Variants in RAD51B observed in about 807,000 individuals in gnomAD.
The protein encoded by RAD51B is DNA repair protein RAD51 homolog 2.
A neutral mutation model predicts 42.2 loss-of-function variants in RAD51B; 38 were observed. The observed-to-expected ratio is 0.90, with a 90% CI of 0.70 to 1.18. The LOEUF (loss-of-function observed/expected upper bound fraction) is 1.18, where lower values mean the gene tolerates loss of function less well. Ranked by LOEUF, RAD51B falls within the 50% of genes most tolerant of loss-of-function variation. The pLI, the probability that RAD51B is intolerant of heterozygous loss-of-function variation, is 0.00. For missense variants in RAD51B, 373 were observed against 400.7 expected (o/e 0.93, Z 0.59); for synonymous variants, 154 against 145.2 (o/e 1.06, Z -0.43).
intron 8 of RAD51B, among the ~76,000 whole-genome samples, chr14:68,311,521 A>C (rs1228160054): frequency 6.6e-6 from 1 of 152,182 alleles, no homozygotes; most frequent in Non-Finnish European, 1.5e-5. Flanking sequence ...TCATACTTAA[A>C]ACAGCACTAG....
At chr14:68,072,044 TATATATAATTATATATATTTATATAA>T (rs562307612) in intron 7 of RAD51B, among the ~76,000 whole-genome samples, 3,164 of 120,450 alleles carry the variant, frequency 0.026, 208 homozygotes, top group African/African-American at 0.1. Context: ...ATTTTATATA[TATATATAATTATATATATTTATATAA>T]ATATATAAAT....
intron 7 of RAD51B, among the ~76,000 whole-genome samples, chr14:68,181,279 C>T (rs1381600279): frequency 3.3e-5 from 5 of 152,154 alleles, no homozygotes; most frequent in Non-Finnish European, 7.3e-5. Flanking sequence ...TTGCCATGTT[C>T]CTAAGCTGGT....
At chr14:68,342,046 C>T (rs2082582086) in intron 8 of RAD51B, among the ~76,000 whole-genome samples, 1 of 152,104 alleles carries the variant, frequency 6.6e-6, no homozygotes, top group African/African-American at 2.4e-5. Flanking sequence ...CCCTAGGTTA[C>T]AACTAATTAG....
intron 2 of RAD51B, 105 bp downstream of exon 2, chr14:67,823,732 A>G (rs974013974): frequency 1.2e-6 from 1 of 847,994 alleles, no homozygotes; most frequent in Non-Finnish European, 1.8e-6. Flanking sequence ...TTACAAAAAA[A>G]AGATAAATGA....
At chr14:68,415,995 AT>A (rs2084547146) in intron 9 of RAD51B, among the ~76,000 whole-genome samples, 1 of 152,190 alleles carries the variant, frequency 6.6e-6, no homozygotes, top group Non-Finnish European at 1.5e-5. Context: ...GTTTATTTAA[AT>A]GAACTTTCTA....
At chr14:68,483,717 C>G (rs891058343) in intron 10 of RAD51B, among the ~76,000 whole-genome samples, 1 of 152,196 alleles carries the variant, frequency 6.6e-6, no homozygotes, top group Non-Finnish European at 1.5e-5. Context: ...CCTTATTATT[C>G]TTTCAGTAAT....
intron 8 of RAD51B, among the ~76,000 whole-genome samples, chr14:68,326,346 A>G (rs17105407): frequency 0.036 from 5,430 of 151,910 alleles, 263 homozygotes; most frequent in African/African-American, 0.11. Flanking sequence ...GGCCAATGTT[A>G]TTATTCTTTA....
At position 68,563,701 on chromosome 14, in the gene RAD51B, A is replaced by G; in HGVS notation, c.1037-30784A>G. On this transcript the variant is annotated intron_variant, in intron 10 of 10. Transcript: ENST00000487270. The stretch of plus-strand genomic sequence containing the variant: ...CAAAATTCCCAGATTGCTCAAATTC[A>G]CTGCTCCTTTTCTAAATGGGAACGA... 4.1e-6 allele frequency: 4 copies of G among 985,406 alleles called. No homozygotes were observed. In the African/African-American group the frequency reaches 5.2e-5, roughly 13 times the overall value. The allele number at this position is 985,406 out of a possible 1,614,324, so 61.0% of individuals were successfully genotyped here.
intron 10 of RAD51B, among the ~76,000 whole-genome samples, chr14:68,506,904 A>G (rs1185819765): frequency 2.0e-5 from 3 of 152,210 alleles, no homozygotes; most frequent in African/African-American, 7.2e-5. Flanking sequence ...GAACATTCTC[A>G]GTTAGAAAAA....
intron 7 of RAD51B, among the ~76,000 whole-genome samples, chr14:68,222,460 T>C (rs112095445): frequency 0.019 from 2,946 of 152,276 alleles, 102 homozygotes; most frequent in African/African-American, 0.068. Flanking sequence ...CTCACTCATA[T>C]GTGGGAGCTA....
chr14:68,621,859 C>T (rs1301838622), intron 10 of RAD51B, among the ~76,000 whole-genome samples: 1 of 152,212 alleles, frequency 6.6e-6, no homozygotes, highest in Admixed American at 6.5e-5. Flanking sequence ...TGCACAGTGA[C>T]AATGAGTGTA....
chr14:67,860,359 T>C (rs1192258797), intron 4 of RAD51B, among the ~76,000 whole-genome samples: 1 of 152,198 alleles, frequency 6.6e-6, no homozygotes, highest in Non-Finnish European at 1.5e-5. Flanking sequence ...AGGGAAGATA[T>C]ATTCTTGAAA....
chr14:67,820,435 C>A (rs545639201), intron 1 of RAD51B, among the ~76,000 whole-genome samples: 1 of 152,146 alleles, frequency 6.6e-6, no homozygotes, highest in Admixed American at 6.5e-5. Flanking sequence ...GAACATCTAA[C>A]ATGAAGAATT....
rs1429267559 is a variant in RAD51B at position 68,044,843 on chromosome 14, G to C, written c.756+157639G>C. ...AGAACATTGTCACATTTTACATTTT[G>C]CTTGTTACTGAACTGTAATCTCTGT... On this transcript the variant is annotated intron_variant, in intron 7 of 10. Transcript: ENST00000471583. 1.3e-5 allele frequency among the ~76,000 whole-genome samples: 2 copies of C among 151,512 alleles called. 1 individual carries two copies. The highest frequency in any genetic ancestry group is 2.9e-5 in the Non-Finnish European group (2 of 67,946).
In RAD51B at chr14:68,565,618, G is replaced by A. The variant is rs1389374656; in HGVS notation, c.1037-28867G>A. ...TATAGCCAGATTTCAATACCAGGGA[G>A]AGCAGGCAGAGAAAGAGAGCTAATC... On this transcript the variant is annotated intron_variant, in intron 10 of 10. Coordinates refer to the RAD51B transcript ENST00000487270. The surrounding 1 kb of genome is among the most constrained non-coding windows in gnomAD (Gnocchi z 4.1). 1.3e-5 allele frequency among the ~76,000 whole-genome samples: 2 copies of A among 152,234 alleles called. No homozygotes were observed. Among genetic ancestry groups the A allele is most frequent in the Non-Finnish European group, 2.9e-5 (2 of 68,038 alleles).
chr14:68,613,418 C>CAAAAAAAAA (rs112036417), downstream of RAD51B, among the ~76,000 whole-genome samples: 1 of 138,542 alleles, frequency 7.2e-6, no homozygotes, highest in African/African-American at 2.7e-5. Flanking sequence ...AACTCTGTCT[C>CAAAAAAAAA]AAAAAAAAAA....
chr14:68,287,734 T>C (rs2081439579), intron 7 of RAD51B, among the ~76,000 whole-genome samples: 1 of 152,198 alleles, frequency 6.6e-6, no homozygotes, highest in Non-Finnish European at 1.5e-5. Context: ...ATATGCTGTA[T>C]AAAAGGGAAT....
chr14:68,494,918 G>A (rs956564702), intron 10 of RAD51B, among the ~76,000 whole-genome samples: 5 of 152,112 alleles, frequency 3.3e-5, no homozygotes, highest in African/African-American at 1.2e-4. Flanking sequence ...TGCAACCAGT[G>A]GGTCTTCTCC....
At chr14:68,531,800 A>G (rs1594947947) in intron 10 of RAD51B, among the ~76,000 whole-genome samples, 1 of 152,142 alleles carries the variant, frequency 6.6e-6, no homozygotes, top group African/African-American at 2.4e-5. Context: ...GGAGTTTGAG[A>G]CCAGCCTAGA....
Sources: allele counts gnomAD v4.1 joint callset (sites outside exome capture counted in the v4.1 genomes callset), GRCh38; gene constraint gnomAD v4.1.1; non-coding constraint Gnocchi (gnomAD v3.1); transcripts MANE v1.5; gene names NCBI Gene and HGNC (gene_info 2026-07-23, HGNC 2026-07-21).